Variants in NSUN6 observed in about 807,000 individuals in gnomAD.
NSUN6 encodes NOP2/Sun RNA methyltransferase 6, also known as tRNA (cytosine(72)-C(5))-methyltransferase NSUN6.
A neutral mutation model predicts 58.0 loss-of-function variants in NSUN6; 64 were observed. That is an observed-to-expected ratio of 1.10 (90% CI 0.90 to 1.36). NSUN6 has a LOEUF of 1.36. Among genes scored for constraint, NSUN6 ranks in the 40% most tolerant of loss-of-function variants. The pLI is 0.00. For synonymous variants in NSUN6, 231 were observed against 193.9 expected, an observed-to-expected ratio of 1.19 and a Z score of -1.59; for missense variants, 701 against 550.1, an observed-to-expected ratio of 1.27 and a Z score of -2.74.
chr10:18,658,573 G>C (rs985054134), upstream of NSUN6: 2 of 572,790 alleles, frequency 3.5e-6, no homozygotes. Flanking sequence ...TGGGATCCAC[G>C]AACATACCTA....
At chr10:18,588,317 G>A (rs773669119) in intron 7 of NSUN6, among the ~76,000 whole-genome samples, 7 of 152,228 alleles carry the variant, frequency 4.6e-5, no homozygotes, top group Non-Finnish European at 8.8e-5. Flanking sequence ...CACCTGGGGG[G>A]AGGGGTGGCT....
At chr10:18,620,497 A>G (rs1360598304) in intron 3 of NSUN6, among the ~76,000 whole-genome samples, 1 of 152,098 alleles carries the variant, frequency 6.6e-6, no homozygotes, top group Non-Finnish European at 1.5e-5. Flanking sequence ...TCTTTCACCC[A>G]TCCCCCAACT....
intron 3 of NSUN6, among the ~76,000 whole-genome samples, chr10:18,627,968 CAAAT>C (rs1417323671): frequency 3.9e-5 from 6 of 152,228 alleles, no homozygotes; most frequent in Admixed American, 6.5e-5. Flanking sequence ...CACAGACAAA[CAAAT>C]AGACAGCAGT....
chr10:18,639,239 A>G (rs1342800727), intron 3 of NSUN6, among the ~76,000 whole-genome samples: 8 of 152,216 alleles, frequency 5.3e-5, no homozygotes, highest in Non-Finnish European at 1.0e-4. Context: ...TCACACCTGT[A>G]ATCCCAGCAC....
At chr10:18,640,735 C>T (rs1051787627) in intron 3 of NSUN6, among the ~76,000 whole-genome samples, 3 of 151,924 alleles carry the variant, frequency 2.0e-5, no homozygotes, top group Admixed American at 1.3e-4. Flanking sequence ...AAGATCTCTT[C>T]GTTTCACTGT....
chr10:18,582,404 T>C (rs568926211), intron 8 of NSUN6, among the ~76,000 whole-genome samples: 3 of 152,182 alleles, frequency 2.0e-5, no homozygotes, highest in Non-Finnish European at 4.4e-5. Context: ...CAGCACACTC[T>C]TGAAAATAAC....
At chr10:18,583,776 A>G (rs1446218668) in intron 8 of NSUN6, among the ~76,000 whole-genome samples, 5 of 152,228 alleles carry the variant, frequency 3.3e-5, no homozygotes, top group African/African-American at 9.6e-5. Flanking sequence ...CCTATAGAAA[A>G]AAATGAGCAT....
chr10:18,584,745 T>C (rs2057051685), intron 8 of NSUN6, among the ~76,000 whole-genome samples: 1 of 151,948 alleles, frequency 6.6e-6, no homozygotes, highest in South Asian at 2.1e-4. Context: ...GTAAAAATGT[T>C]GAAAGTCAAA....
chr10:18,612,557 G>A (rs1260225872), intron 5 of NSUN6, among the ~76,000 whole-genome samples: 1 of 152,044 alleles, frequency 6.6e-6, no homozygotes, highest in African/African-American at 2.4e-5. Flanking sequence ...TTTCTGACTT[G>A]CAGGACTCCA....
At chr10:18,625,013 C>T (rs2058743253) in intron 3 of NSUN6, among the ~76,000 whole-genome samples, 1 of 152,170 alleles carries the variant, frequency 6.6e-6, no homozygotes, top group Non-Finnish European at 1.5e-5. Flanking sequence ...GGGCACCAAG[C>T]CTCTGATGAG....
intron 8 of NSUN6, among the ~76,000 whole-genome samples, chr10:18,578,971 G>C (rs949158764): frequency 6.6e-6 from 1 of 152,074 alleles, no homozygotes; most frequent in African/African-American, 2.4e-5. Flanking sequence ...TCTCACTGAA[G>C]TACTAGATGA....
At chr10:18,552,494 C>T (rs1341251916) in intron 8 of NSUN6, among the ~76,000 whole-genome samples, 3 of 152,146 alleles carry the variant, frequency 2.0e-5, no homozygotes, top group Non-Finnish European at 2.9e-5. Context: ...TTTTCCTTTG[C>T]ATTCACTTCA....
At chr10:18,553,510 G>A (rs562916797) in intron 8 of NSUN6, among the ~76,000 whole-genome samples, 37 of 151,378 alleles carry the variant, frequency 2.4e-4, no homozygotes, top group Admixed American at 4.6e-4. Context: ...GGAATGGAGC[G>A]GAGAAAGGAA....
intron 8 of NSUN6, among the ~76,000 whole-genome samples, chr10:18,580,892 A>C (rs900025082): frequency 2.6e-5 from 4 of 152,202 alleles, no homozygotes; most frequent in Non-Finnish European, 5.9e-5. Context: ...CACAAGGCAG[A>C]GTGATCTTGG....
chr10:18,652,084 TA>T, upstream of NSUN6: 1 of 985,406 alleles, frequency 1.0e-6, no homozygotes, highest in Non-Finnish European at 1.2e-6. Flanking sequence ...AAAGTTGGGC[TA>T]ATGGTCTGTT....
At chr10:18,571,706 C>T (rs1179603583) in intron 8 of NSUN6, among the ~76,000 whole-genome samples, 1 of 151,778 alleles carries the variant, frequency 6.6e-6, no homozygotes, top group Non-Finnish European at 1.5e-5. Flanking sequence ...ATTCTCCATT[C>T]CATTCCATTC....
chr10:18,547,818 G>GA (rs2054374203), intron 10 of NSUN6, among the ~76,000 whole-genome samples: 1 of 151,868 alleles, frequency 6.6e-6, no homozygotes, highest in Non-Finnish European at 1.5e-5. Flanking sequence ...AATCTTTTTA[G>GA]AAAAAAGGTG....
chr10:18,597,450 C>G (rs1437088171), intron 6 of NSUN6, among the ~76,000 whole-genome samples: 2 of 152,124 alleles, frequency 1.3e-5, no homozygotes, highest in Admixed American at 1.3e-4. Flanking sequence ...AAAGACTGAA[C>G]AATACATCCA....
upstream of NSUN6, chr10:18,651,603 G>T (rs920669700): frequency 6.1e-6 from 6 of 987,720 alleles, no homozygotes; most frequent in African/African-American, 8.7e-5. Context: ...CCAAACACGC[G>T]CCCCCTATTT....
Sources: allele counts gnomAD v4.1 joint callset (sites outside exome capture counted in the v4.1 genomes callset), GRCh38; gene constraint gnomAD v4.1.1; transcripts MANE v1.5; gene names NCBI Gene and HGNC (gene_info 2026-07-23, HGNC 2026-07-21).